Variants in FTO observed in about 807,000 individuals in gnomAD.
FTO encodes alpha-ketoglutarate-dependent dioxygenase FTO.
FTO carries 47 observed loss-of-function variants against 63.9 expected under a neutral mutation model. The observed-to-expected ratio is 0.74, with a 90% CI of 0.58 to 0.94. The LOEUF (loss-of-function observed/expected upper bound fraction) is 0.94, where lower values mean the gene tolerates loss of function less well. FTO is among the 40% of genes least tolerant of loss of function. The pLI, the probability that FTO is intolerant of heterozygous loss-of-function variation, is 0.00. For synonymous variants in FTO, 207 were observed against 224.4 expected, an observed-to-expected ratio of 0.92 and a Z score of 0.69; for missense variants, 562 against 618.1, an observed-to-expected ratio of 0.91 and a Z score of 0.96.
At chr16:53,737,291 A>G (rs2076411469) in intron 1 of FTO, among the ~76,000 whole-genome samples, 1 of 152,348 alleles carries the variant, frequency 6.6e-6, no homozygotes, top group Admixed American at 6.5e-5. Context: ...ACAATCATGC[A>G]TTGCTTAATG....
At chr16:53,871,696 GA>G (rs1346828818) in intron 4 of FTO, among the ~76,000 whole-genome samples, 2 of 151,572 alleles carry the variant, frequency 1.3e-5, no homozygotes, top group Admixed American at 6.6e-5. Context: ...TTGCTCTAAT[GA>G]ATAATTAAAT....
chr16:53,822,487 C>T (rs993154021), intron 2 of FTO, among the ~76,000 whole-genome samples: 3 of 152,090 alleles, frequency 2.0e-5, no homozygotes, highest in African/African-American at 7.2e-5. Context: ...TTGATTTCCG[C>T]AGTGTAAATA....
intron 1 of FTO, among the ~76,000 whole-genome samples, chr16:53,757,947 A>G (rs973725873): frequency 7.9e-5 from 12 of 152,126 alleles, no homozygotes; most frequent in African/African-American, 2.2e-4. Context: ...TGCTGGGTGT[A>G]TTTTGCTTTA....
At chr16:53,970,185 G>A (rs760514765) in intron 8 of FTO, among the ~76,000 whole-genome samples, 3 of 152,136 alleles carry the variant, frequency 2.0e-5, no homozygotes, top group Non-Finnish European at 2.9e-5. Flanking sequence ...AATGATTCCC[G>A]TTTAAAAGGG....
chr16:53,946,421 A>G (rs2082652097), intron 8 of FTO, among the ~76,000 whole-genome samples: 1 of 152,226 alleles, frequency 6.6e-6, no homozygotes, highest in South Asian at 2.1e-4. Context: ...TCAGGACGTT[A>G]CTTTTTAGTT....
intron 8 of FTO, among the ~76,000 whole-genome samples, chr16:54,093,665 C>T (rs749354283): frequency 2.6e-5 from 4 of 152,208 alleles, no homozygotes; most frequent in Non-Finnish European, 4.4e-5. Context: ...ACATTCTGCA[C>T]AAGCAGATGT....
chr16:54,088,185 CAT>C (rs769261813), intron 8 of FTO, among the ~76,000 whole-genome samples: 5 of 152,226 alleles, frequency 3.3e-5, no homozygotes, highest in Non-Finnish European at 5.9e-5. Flanking sequence ...CAACGACAAA[CAT>C]ATGTTTTCCT....
chr16:54,054,824 G>A (rs116313115), intron 8 of FTO, among the ~76,000 whole-genome samples: 155 of 152,324 alleles, frequency 1.0e-3, no homozygotes, highest in African/African-American at 3.7e-3. Flanking sequence ...TAATCATAGA[G>A]ACGGCTGAGT....
intron 7 of FTO, among the ~76,000 whole-genome samples, chr16:53,913,094 C>T (rs961908766): frequency 2.6e-5 from 4 of 152,148 alleles, no homozygotes; most frequent in African/African-American, 9.7e-5. Flanking sequence ...TTTTGCTTTG[C>T]CTCATTTCAA....
chr16:53,820,602 TA>T (rs1448925283), intron 2 of FTO, among the ~76,000 whole-genome samples: 1 of 151,808 alleles, frequency 6.6e-6, no homozygotes, highest in Non-Finnish European at 1.5e-5. Flanking sequence ...TAGCTTTAGG[TA>T]TATCTCCTGA....
intron 4 of FTO, among the ~76,000 whole-genome samples, chr16:53,858,928 G>A (rs1005752080): frequency 6.6e-6 from 1 of 152,008 alleles, no homozygotes; most frequent in African/African-American, 2.4e-5. Context: ...CAAAGTGCTG[G>A]GATTACAGGC....
chr16:53,720,794 T>G (rs1185575899), intron 1 of FTO, among the ~76,000 whole-genome samples: 1 of 151,786 alleles, frequency 6.6e-6, no homozygotes, highest in Non-Finnish European at 1.5e-5. Flanking sequence ...TTTTTCTTTT[T>G]TTCTTTGAGA....
intron 2 of FTO, among the ~76,000 whole-genome samples, chr16:53,824,324 T>C (rs1339889417): frequency 6.6e-6 from 1 of 152,232 alleles, no homozygotes; most frequent in Admixed American, 6.5e-5. Flanking sequence ...GTTGGTCTTT[T>C]TCCTGAGTGC....
chr16:54,068,489 T>C (rs2085784720), intron 8 of FTO, among the ~76,000 whole-genome samples: 1 of 152,180 alleles, frequency 6.6e-6, no homozygotes, highest in Admixed American at 6.5e-5. Flanking sequence ...AGGTAACAGT[T>C]ACCTGGCCCT....
At chr16:54,083,596 T>C (rs2086196995) in intron 8 of FTO, among the ~76,000 whole-genome samples, 2 of 152,120 alleles carry the variant, frequency 1.3e-5, no homozygotes, top group Non-Finnish European at 2.9e-5. Context: ...CAGTGACTGA[T>C]GTGAGCTACG....
At chr16:53,749,047 T>C (rs890839290) in intron 1 of FTO, among the ~76,000 whole-genome samples, 4 of 152,074 alleles carry the variant, frequency 2.6e-5, no homozygotes, top group African/African-American at 9.7e-5. Context: ...ATTACAGGCA[T>C]GAGCCACCGT....
intron 1 of FTO, among the ~76,000 whole-genome samples, chr16:53,791,899 C>A (rs2077924638): frequency 6.6e-6 from 1 of 151,980 alleles, no homozygotes; most frequent in East Asian, 1.9e-4. Flanking sequence ...CGGTGAAAAC[C>A]CCGTCTCTAC....
At chr16:53,753,479 T>A (rs1215683288) in intron 1 of FTO, among the ~76,000 whole-genome samples, 1 of 152,152 alleles carries the variant, frequency 6.6e-6, no homozygotes, top group Non-Finnish European at 1.5e-5. Flanking sequence ...TTGCTTGTCT[T>A]ATAACACTAA....
chr16:53,923,062 A>G (rs753393941), intron 7 of FTO: 4 of 152,188 alleles, frequency 2.6e-5, no homozygotes, highest in Admixed American at 2.0e-4. Flanking sequence ...AAGCAAACCA[A>G]TCTATTAGGC....
Sources: allele counts gnomAD v4.1 joint callset (sites outside exome capture counted in the v4.1 genomes callset), GRCh38; gene constraint gnomAD v4.1.1; transcripts MANE v1.5; gene names NCBI Gene and HGNC (gene_info 2026-07-23, HGNC 2026-07-21).